The following SMIM31 variants were observed in gnomAD, a reference collection of about 807,000 sequenced individuals.
The protein encoded by SMIM31 is small integral membrane protein 31.
At chr4:164,759,677 T>C (rs1297274214) in intron 1 of SMIM31, among the ~76,000 whole-genome samples, 1 of 152,006 alleles carries the variant, frequency 6.6e-6, no homozygotes, top group African/African-American at 2.4e-5. Flanking sequence ...CATTCATTCA[T>C]TCACTGAATC....
chr4:164,796,289 G>A (rs533354060), intron 2 of SMIM31, among the ~76,000 whole-genome samples: 6 of 152,148 alleles, frequency 3.9e-5, no homozygotes, highest in East Asian at 3.9e-4. Context: ...ATGTTACTGC[G>A]GTGATGATTT....
chr4:164,763,078 C>T (rs1404634976), intron 1 of SMIM31, among the ~76,000 whole-genome samples: 1 of 152,174 alleles, frequency 6.6e-6, no homozygotes, highest in Non-Finnish European at 1.5e-5. Context: ...TTATTCACAA[C>T]ATTATATACA....
intron 2 of SMIM31, among the ~76,000 whole-genome samples, chr4:164,797,565 G>A (rs1034771610): frequency 6.7e-6 from 1 of 149,904 alleles, no homozygotes; most frequent in African/African-American, 2.5e-5. Flanking sequence ...CCAGGTTCAA[G>A]CGATTCTCCT....
intron 2 of SMIM31, among the ~76,000 whole-genome samples, chr4:164,798,810 T>C (rs1214767330): frequency 6.6e-6 from 1 of 152,064 alleles, no homozygotes. Flanking sequence ...TTGGGGGTGA[T>C]TGGATCATGG....
At chr4:164,781,565 T>G (rs1732949133) in intron 2 of SMIM31, among the ~76,000 whole-genome samples, 1 of 152,196 alleles carries the variant, frequency 6.6e-6, no homozygotes, top group Non-Finnish European at 1.5e-5. Context: ...GGCCAGATCA[T>G]TCTTTGTTGT....
chr4:164,787,167 T>C (rs1396284577), intron 2 of SMIM31: 1 of 152,158 alleles, frequency 6.6e-6, no homozygotes, highest in Non-Finnish European at 1.5e-5. Flanking sequence ...TACTTAACAA[T>C]GGGATATTGG....
At chr4:164,756,437 T>C (rs547991168) in intron 1 of SMIM31, among the ~76,000 whole-genome samples, 8 of 151,392 alleles carry the variant, frequency 5.3e-5, no homozygotes, top group Non-Finnish European at 1.2e-4. Flanking sequence ...CCAGGTGTGG[T>C]GGTGGGCGCC....
At chr4:164,785,396 T>C (rs1055485698) in intron 2 of SMIM31, among the ~76,000 whole-genome samples, 1 of 152,126 alleles carries the variant, frequency 6.6e-6, no homozygotes, top group African/African-American at 2.4e-5. Context: ...AACTCCAAAG[T>C]TCAAAGTCCA....
At chr4:164,792,743 A>G (rs1307019014) in intron 2 of SMIM31, among the ~76,000 whole-genome samples, 2 of 152,198 alleles carry the variant, frequency 1.3e-5, no homozygotes, top group South Asian at 2.1e-4. Context: ...CCAAAATTCA[A>G]TAACTTTTTT....
chr4:164,773,845 G>A (rs959833340), intron 2 of SMIM31, among the ~76,000 whole-genome samples: 5 of 152,094 alleles, frequency 3.3e-5, no homozygotes, highest in Non-Finnish European at 7.4e-5. Context: ...GGGAGTCTTC[G>A]TGATTAGAAA....
At chr4:164,755,055 C>A (rs1443986594) in intron 1 of SMIM31, among the ~76,000 whole-genome samples, 1 of 108,754 alleles carries the variant, frequency 9.2e-6, no homozygotes, top group Non-Finnish European at 1.9e-5. Context: ...TTAACTACAT[C>A]CCTTAAAAAT....
At chr4:164,797,414 G>C (rs112274524) in intron 2 of SMIM31, among the ~76,000 whole-genome samples, 2,827 of 149,832 alleles carry the variant, frequency 0.019, 45 homozygotes, top group African/African-American at 0.046. Context: ...AAAAGGACAT[G>C]TATATATATA....
At chr4:164,788,648 C>T (rs1733061249) in intron 2 of SMIM31, among the ~76,000 whole-genome samples, 2 of 151,174 alleles carry the variant, frequency 1.3e-5, no homozygotes, top group Non-Finnish European at 2.9e-5. Flanking sequence ...CACCACCACG[C>T]CCGGCTAATT....
chr4:164,763,048 C>T (rs1417602992), intron 1 of SMIM31, among the ~76,000 whole-genome samples: 4 of 151,854 alleles, frequency 2.6e-5, no homozygotes, highest in Non-Finnish European at 5.9e-5. Flanking sequence ...AGACAAAAGA[C>T]ATAAAGAAAA....
chr4:164,793,674 G>C (rs954341698), intron 2 of SMIM31, among the ~76,000 whole-genome samples: 1 of 152,064 alleles, frequency 6.6e-6, no homozygotes, highest in Non-Finnish European at 1.5e-5. Flanking sequence ...ACCTTATAAG[G>C]ATACTAATTC....
chr4:164,777,978 A>G (rs905237686), intron 2 of SMIM31, among the ~76,000 whole-genome samples: 2 of 152,268 alleles, frequency 1.3e-5, no homozygotes, highest in Non-Finnish European at 2.9e-5. Context: ...ATATCGGTTC[A>G]TAAAGAAAAA....
At chr4:164,762,904 T>C (rs937398017) in intron 1 of SMIM31, among the ~76,000 whole-genome samples, 1 of 152,140 alleles carries the variant, frequency 6.6e-6, no homozygotes, top group African/African-American at 2.4e-5. Flanking sequence ...AACCTAAAGA[T>C]ACCTGAATTC....
chr4:164,792,954 A>C (rs955358259), intron 2 of SMIM31, among the ~76,000 whole-genome samples: 4 of 152,196 alleles, frequency 2.6e-5, no homozygotes, highest in African/African-American at 9.7e-5. Context: ...TAAAGAGCTC[A>C]TTCAATTTCA....
chr4:164,777,661 G>T (rs1377747622), intron 2 of SMIM31, among the ~76,000 whole-genome samples: 1 of 152,146 alleles, frequency 6.6e-6, no homozygotes, highest in Non-Finnish European at 1.5e-5. Context: ...CTTCATCAAA[G>T]GTGTGTCCAG....
Sources: allele counts gnomAD v4.1 joint callset (sites outside exome capture counted in the v4.1 genomes callset), GRCh38; gene constraint gnomAD v4.1.1; transcripts MANE v1.5; gene names NCBI Gene and HGNC (gene_info 2026-07-23, HGNC 2026-07-21).